LY6S: variants seen among roughly 807,000 people sequenced by gnomAD.
The protein encoded by LY6S is lymphocyte antigen 6S.
chr8:143,044,657 C>G, the LY6S span: 1 of 1,365,264 alleles, frequency 7.3e-7, no homozygotes, highest in Non-Finnish European at 9.8e-7. Context: ...AGAACCTGCC[C>G]TCTGCCCTGG....
chr8:143,064,770 A>G, the LY6S span, among the ~76,000 whole-genome samples: 1 of 152,250 alleles, frequency 6.6e-6, no homozygotes, highest in African/African-American at 2.4e-5. Flanking sequence ...AGTGGAATGT[A>G]TGTCCTCTAC....
the LY6S span, among the ~76,000 whole-genome samples, chr8:143,070,452 A>AC: frequency 1.9e-5 from 1 of 51,344 alleles, no homozygotes; most frequent in African/African-American, 7.3e-5. Context: ...TATTGTATAT[A>AC]TATATATATA....
the LY6S span, among the ~76,000 whole-genome samples, chr8:143,061,322 T>C: frequency 6.6e-6 from 1 of 152,042 alleles, no homozygotes; most frequent in East Asian, 1.9e-4. Flanking sequence ...CTGATAGTAT[T>C]AGGCAGGAAA....
the LY6S span, chr8:143,065,825 T>G: frequency 1.3e-5 from 2 of 149,974 alleles, no homozygotes; most frequent in Non-Finnish European, 2.9e-5. Context: ...CTTTCTTTCC[T>G]TCCTTCCTTC....
chr8:143,044,814 C>T, the LY6S span: 16 of 1,365,634 alleles, frequency 1.2e-5, no homozygotes, highest in South Asian at 1.7e-4. Flanking sequence ...GGAGAGAGGG[C>T]AAGGTGGGTG....
the LY6S span, among the ~76,000 whole-genome samples, chr8:143,070,484 T>TA: frequency 2.9e-5 from 3 of 103,964 alleles, no homozygotes; most frequent in Non-Finnish European, 5.1e-5. Context: ...TAAATATATA[T>TA]ATATATTTTT....
the LY6S span, among the ~76,000 whole-genome samples, chr8:143,046,534 C>A: frequency 1.3e-5 from 2 of 148,396 alleles, no homozygotes; most frequent in African/African-American, 5.0e-5. Flanking sequence ...GATGAGATTG[C>A]GCCACTACAC....
At chr8:143,041,341 G>A in the LY6S span, among the ~76,000 whole-genome samples, 1,134 of 152,294 alleles carry the variant, frequency 7.4e-3, 14 homozygotes, top group African/African-American at 0.025. Context: ...AGAATTCAGC[G>A]ATATTTCTCC....
the LY6S span, among the ~76,000 whole-genome samples, chr8:143,070,470 TA>T: frequency 2.6e-5 from 1 of 38,560 alleles, no homozygotes; most frequent in African/African-American, 7.8e-5. Flanking sequence ...ATATAATATA[TA>T]TATAAATATA....
At chr8:143,057,456 G>T in the LY6S span, 4 of 596,770 alleles carry the variant, frequency 6.7e-6, no homozygotes, top group African/African-American at 1.8e-5. Context: ...CACCATATTG[G>T]CCAGGCTGGT....
chr8:143,071,694 C>G, the LY6S span, among the ~76,000 whole-genome samples: 1 of 152,158 alleles, frequency 6.6e-6, no homozygotes, highest in Non-Finnish European at 1.5e-5. Context: ...CAAACAGCTT[C>G]CACCCACTGT....
the LY6S span, among the ~76,000 whole-genome samples, chr8:143,060,883 C>A: frequency 3.9e-5 from 6 of 152,002 alleles, no homozygotes; most frequent in Non-Finnish European, 8.8e-5. Flanking sequence ...AAAATAACCA[C>A]TGATGAATCA....
At chr8:143,063,581 T>C in the LY6S span, among the ~76,000 whole-genome samples, 3 of 152,198 alleles carry the variant, frequency 2.0e-5, no homozygotes, top group African/African-American at 7.2e-5. Context: ...GTTGCTCCCA[T>C]CCACAAACAA....
the LY6S span, among the ~76,000 whole-genome samples, chr8:143,068,315 A>G: frequency 6.6e-6 from 1 of 152,230 alleles, no homozygotes; most frequent in Non-Finnish European, 1.5e-5. Context: ...TTCTGTGAGC[A>G]CAGAGTTGGG....
At chr8:143,047,464 A>G in the LY6S span, among the ~76,000 whole-genome samples, 11 of 152,124 alleles carry the variant, frequency 7.2e-5, no homozygotes, top group Non-Finnish European at 1.2e-4. Flanking sequence ...ACTTCTGCTC[A>G]TGAGCCAGGA....
the LY6S span, among the ~76,000 whole-genome samples, chr8:143,071,788 C>T: frequency 6.6e-6 from 1 of 152,122 alleles, no homozygotes; most frequent in Non-Finnish European, 1.5e-5. Context: ...CCGGCTTCAG[C>T]GACCCCAGGA....
At chr8:143,072,218 T>TCCGG in the LY6S span, among the ~76,000 whole-genome samples, 1 of 151,490 alleles carries the variant, frequency 6.6e-6, no homozygotes, top group African/African-American at 2.4e-5. Flanking sequence ...TGGGGGTTCC[T>TCCGG]GTTTGAGGAG....
chr8:143,069,947 AG>A, the LY6S span, among the ~76,000 whole-genome samples: 2 of 152,094 alleles, frequency 1.3e-5, no homozygotes, highest in African/African-American at 4.8e-5. Context: ...CCCAGGCATT[AG>A]GGTCCGGCAG....
At chr8:143,050,659 A>G in the LY6S span, among the ~76,000 whole-genome samples, 1 of 152,154 alleles carries the variant, frequency 6.6e-6, no homozygotes, top group South Asian at 2.1e-4. Flanking sequence ...AGCTTCTCTC[A>G]TGCCAGCCTG....
Sources: allele counts gnomAD v4.1 joint callset (sites outside exome capture counted in the v4.1 genomes callset), GRCh38; gene constraint gnomAD v4.1.1; transcripts MANE v1.5; gene names NCBI Gene and HGNC (gene_info 2026-07-23, HGNC 2026-07-21).